The following SPOCK3 variants were observed in gnomAD, a reference collection of about 807,000 sequenced individuals.
SPOCK3 encodes the protein SPARC (osteonectin), cwcv and kazal like domains proteoglycan 3.
Under a neutral mutation model 56.6 loss-of-function variants are expected in SPOCK3, and 30 were observed. That is an observed-to-expected ratio of 0.53 (90% confidence interval 0.40 to 0.72). The LOEUF is 0.72. Ranked by LOEUF, SPOCK3 falls within the 30% of genes least tolerant of loss-of-function variation. The pLI is 0.00. For missense variants in SPOCK3, 527 were observed against 530.0 expected, an observed-to-expected ratio of 0.99 and a Z score of 0.06; for synonymous variants, 196 against 183.3, an observed-to-expected ratio of 1.07 and a Z score of -0.56.
At chr4:166,882,420 A>G (rs570704851) in intron 6 of SPOCK3, among the ~76,000 whole-genome samples, 186 of 152,262 alleles carry the variant, frequency 1.2e-3, no homozygotes, top group Non-Finnish European at 1.4e-3. Flanking sequence ...GCTTGCATCA[A>G]TTGTGATTTG....
At chr4:166,744,120 C>T (rs1446086543) in intron 8 of SPOCK3, among the ~76,000 whole-genome samples, 3 of 152,130 alleles carry the variant, frequency 2.0e-5, no homozygotes, top group Non-Finnish European at 2.9e-5. Context: ...TCTCCCACCC[C>T]GGAGTTTGAG....
intron 5 of SPOCK3, among the ~76,000 whole-genome samples, chr4:166,899,272 ATCT>A (rs1735758915): frequency 1.5e-5 from 2 of 133,754 alleles, no homozygotes; most frequent in African/African-American, 2.7e-5. Flanking sequence ...CTATCTATCT[ATCT>A]ATCTATCTAT....
intron 2 of SPOCK3, among the ~76,000 whole-genome samples, chr4:167,095,311 T>C (rs912022421): frequency 3.3e-5 from 5 of 152,116 alleles, no homozygotes; most frequent in African/African-American, 7.2e-5. Context: ...CTTTTTTTAT[T>C]CTATTATTTT....
At chr4:166,877,774 G>A (rs934132727) in intron 6 of SPOCK3, among the ~76,000 whole-genome samples, 1 of 152,110 alleles carries the variant, frequency 6.6e-6, no homozygotes, top group Non-Finnish European at 1.5e-5. Flanking sequence ...TTCATTACAA[G>A]TGATTTTACA....
intron 4 of SPOCK3, among the ~76,000 whole-genome samples, chr4:166,964,371 A>C (rs1744475422): frequency 6.6e-6 from 1 of 151,828 alleles, no homozygotes; most frequent in African/African-American, 2.4e-5. Context: ...TTTAGACATC[A>C]GATATTTTAC....
At chr4:166,956,964 G>T (rs1743568138) in intron 4 of SPOCK3, among the ~76,000 whole-genome samples, 1 of 152,116 alleles carries the variant, frequency 6.6e-6, no homozygotes. Flanking sequence ...ATGTTTAAAA[G>T]AAAACACGGC....
intron 2 of SPOCK3, among the ~76,000 whole-genome samples, chr4:167,163,677 C>T (rs1384794577): frequency 1.3e-5 from 2 of 151,612 alleles, no homozygotes; most frequent in Non-Finnish European, 2.9e-5. Context: ...TAATTAAGAA[C>T]ATGTGAAGCT....
chr4:166,859,121 C>T (rs1235388556), intron 6 of SPOCK3, among the ~76,000 whole-genome samples: 3 of 152,110 alleles, frequency 2.0e-5, no homozygotes, highest in African/African-American at 7.2e-5. Context: ...AGTTACCATG[C>T]TGTACAAGTT....
intron 3 of SPOCK3, among the ~76,000 whole-genome samples, chr4:167,026,647 C>T (rs1356827955): frequency 1.3e-5 from 2 of 151,596 alleles, no homozygotes; most frequent in Non-Finnish European, 3.0e-5. Context: ...TAATAAAGAA[C>T]TAAAACATAA....
chr4:166,784,846 C>T (rs1199064244), intron 7 of SPOCK3, among the ~76,000 whole-genome samples: 1 of 152,062 alleles, frequency 6.6e-6, no homozygotes, highest in Non-Finnish European at 1.5e-5. Flanking sequence ...TTATCTTAAT[C>T]TTAGTCAGAC....
At chr4:166,807,865 A>G (rs1743344636) in intron 6 of SPOCK3, among the ~76,000 whole-genome samples, 1 of 152,108 alleles carries the variant, frequency 6.6e-6, no homozygotes, top group African/African-American at 2.4e-5. Context: ...TTTTCTTTCC[A>G]TAGAAGTTCA....
At chr4:167,011,987 T>C (rs535486695) in intron 3 of SPOCK3, among the ~76,000 whole-genome samples, 1 of 152,110 alleles carries the variant, frequency 6.6e-6, no homozygotes, top group South Asian at 2.1e-4. Context: ...CTACTCTCCA[T>C]TCATTCTTTT....
chr4:166,752,118 C>T (rs968262599), intron 8 of SPOCK3, among the ~76,000 whole-genome samples: 1 of 152,030 alleles, frequency 6.6e-6, no homozygotes, highest in East Asian at 1.9e-4. Flanking sequence ...CTCACTGCAA[C>T]CTCCAACCTC....
intron 6 of SPOCK3, among the ~76,000 whole-genome samples, chr4:166,832,987 C>T (rs1456193549): frequency 6.6e-6 from 1 of 152,018 alleles, no homozygotes; most frequent in Admixed American, 6.6e-5. Context: ...ATTGATTGTA[C>T]CAAATACCTC....
intron 2 of SPOCK3, among the ~76,000 whole-genome samples, chr4:167,072,646 T>C (rs1003931302): frequency 6.6e-6 from 1 of 151,972 alleles, no homozygotes; most frequent in Non-Finnish European, 1.5e-5. Flanking sequence ...TTCTCAAATC[T>C]TAATGTCTCC....
intron 6 of SPOCK3, among the ~76,000 whole-genome samples, chr4:166,842,164 A>C (rs934413840): frequency 6.6e-6 from 1 of 152,166 alleles, no homozygotes; most frequent in Non-Finnish European, 1.5e-5. Flanking sequence ...TGCGGACCCA[A>C]AGAGTGAGCA....
intron 5 of SPOCK3, among the ~76,000 whole-genome samples, chr4:166,894,034 T>C (rs1735076675): frequency 6.6e-6 from 1 of 152,108 alleles, no homozygotes; most frequent in Non-Finnish European, 1.5e-5. Context: ...CAAAATGTCT[T>C]AATTGCAGCA....
chr4:166,927,838 A>C (rs1048921529), intron 4 of SPOCK3, among the ~76,000 whole-genome samples: 4 of 152,206 alleles, frequency 2.6e-5, no homozygotes, highest in African/African-American at 9.7e-5. Flanking sequence ...ATATCTGATA[A>C]AAGTCTGTTA....
intron 3 of SPOCK3, among the ~76,000 whole-genome samples, chr4:167,055,564 C>A (rs1434950495): frequency 6.6e-6 from 1 of 152,192 alleles, no homozygotes; most frequent in African/African-American, 2.4e-5. Flanking sequence ...AAAGGGGTGA[C>A]AGACAGCACC....
Sources: allele counts gnomAD v4.1 joint callset (sites outside exome capture counted in the v4.1 genomes callset), GRCh38; gene constraint gnomAD v4.1.1; transcripts MANE v1.5; gene names NCBI Gene and HGNC (gene_info 2026-07-23, HGNC 2026-07-21).